The following SUSD6 variants were observed in gnomAD, a reference collection of about 807,000 sequenced individuals.
SUSD6 encodes the protein sushi domain containing 6.
Under a neutral mutation model 28.4 loss-of-function variants are expected in SUSD6, and 16 were observed. The observed-to-expected ratio is 0.56, with a 90% confidence interval of 0.38 to 0.86. SUSD6 has a LOEUF of 0.86. SUSD6 is among the 40% of genes least tolerant of loss of function. The pLI, the probability that SUSD6 is intolerant of heterozygous loss-of-function variation, is 0.00. For synonymous variants in SUSD6, 147 were observed against 159.6 expected (o/e 0.92, Z 0.59); for missense variants, 341 against 384.2 (o/e 0.89, Z 0.94).
intron 1 of SUSD6, among the ~76,000 whole-genome samples, chr14:69,652,220 G>A (rs1448177718): frequency 6.6e-6 from 1 of 152,194 alleles, no homozygotes; most frequent in Non-Finnish European, 1.5e-5. Flanking sequence ...GTCGAGACAG[G>A]CAGATCACTT....
At chr14:69,661,649 C>T (rs987073346) in intron 2 of SUSD6, among the ~76,000 whole-genome samples, 25 of 152,120 alleles carry the variant, frequency 1.6e-4, no homozygotes, top group Non-Finnish European at 3.7e-4. Context: ...CCTTTCTAGG[C>T]CTGAAACCCA....
At chr14:69,667,690 A>G (rs890608763) in intron 2 of SUSD6, among the ~76,000 whole-genome samples, 7 of 151,900 alleles carry the variant, frequency 4.6e-5, no homozygotes, top group Non-Finnish European at 8.8e-5. Flanking sequence ...GCGGTTGCTC[A>G]GTTTCTGATT....
intron 2 of SUSD6, among the ~76,000 whole-genome samples, chr14:69,673,978 C>T (rs1304813515): frequency 6.6e-6 from 1 of 152,168 alleles, no homozygotes; most frequent in Non-Finnish European, 1.5e-5. Flanking sequence ...TGGCTTGTTA[C>T]TTGTTTTTTA....
chr14:69,648,154 G>A (rs1443907640), intron 1 of SUSD6, among the ~76,000 whole-genome samples: 1 of 152,130 alleles, frequency 6.6e-6, no homozygotes, highest in Non-Finnish European at 1.5e-5. Flanking sequence ...CAGGCACTAT[G>A]CTATGTACTT....
At chr14:69,663,862 TCAGCCTCCAGAAAATTATTC>T (rs910592488) in intron 2 of SUSD6, among the ~76,000 whole-genome samples, 5 of 152,252 alleles carry the variant, frequency 3.3e-5, no homozygotes, top group Admixed American at 3.3e-4. Context: ...AGTGCTCAGA[TCAGCCTCCAGAAAATTATTC>T]TGATGGAGGA....
At chr14:69,617,799 T>C (rs1410564782) in intron 1 of SUSD6, among the ~76,000 whole-genome samples, 4 of 152,186 alleles carry the variant, frequency 2.6e-5, no homozygotes, top group Admixed American at 1.3e-4. Context: ...CTCAAAGGCT[T>C]CTGCTAGGTT....
At chr14:69,659,055 C>T (rs1595045400) in intron 2 of SUSD6, among the ~76,000 whole-genome samples, 1 of 152,194 alleles carries the variant, frequency 6.6e-6, no homozygotes. Flanking sequence ...CCCATTCTCA[C>T]TACTTGCCTG....
intron 2 of SUSD6, among the ~76,000 whole-genome samples, chr14:69,690,644 G>C (rs1886139532): frequency 6.6e-6 from 1 of 152,184 alleles, no homozygotes; most frequent in African/African-American, 2.4e-5. Flanking sequence ...CTGGAGAAGT[G>C]CAAAGGAAAC....
At chr14:69,690,655 C>T (rs1408532447) in intron 2 of SUSD6, among the ~76,000 whole-genome samples, 3 of 152,148 alleles carry the variant, frequency 2.0e-5, no homozygotes, top group African/African-American at 7.2e-5. Flanking sequence ...CAAAGGAAAC[C>T]AAGAAGGCAT....
At chr14:69,701,640 T>C (rs561180966) in intron 2 of SUSD6, among the ~76,000 whole-genome samples, 30 of 152,224 alleles carry the variant, frequency 2.0e-4, no homozygotes, top group Admixed American at 1.4e-3. Context: ...CGTTTTTCTT[T>C]CTCCTGTTCA....
chr14:69,662,083 C>T (rs976687974), intron 2 of SUSD6, among the ~76,000 whole-genome samples: 1 of 152,200 alleles, frequency 6.6e-6, no homozygotes, highest in Non-Finnish European at 1.5e-5. Context: ...TGCGCCTGGC[C>T]TCCTTCTTGC....
rs3048700 is a variant in SUSD6 at position 69,653,747 on chromosome 14, C to CTTTTTTTTTTT, written c.-80-4756_-80-4746dup. On this transcript the variant is annotated intron_variant, in intron 1 of 5. Transcript: ENST00000342745. ...TAGGGATAATGAATACCTAGTGAAACTTTTTTTTTTTTTTTTTTTTGCTTG... is the reference window on the plus strand; with the variant it reads ...TAGGGATAATGAATACCTAGTGAAACTTTTTTTTTTTTTTTTTTTTTTTTTTTTTTTGCTTG... 2.0e-3 allele frequency among the ~76,000 whole-genome samples: 182 copies of CTTTTTTTTTTT among 93,228 alleles called. 6 individuals are homozygous for CTTTTTTTTTTT. Among genetic ancestry groups the CTTTTTTTTTTT allele is most frequent in the South Asian group, 2.6e-3 (6 of 2,348 alleles). 61.2% of individuals were successfully genotyped at this position (93,228 alleles called of 152,430 possible). A position where few individuals can be genotyped will look rare whatever the true frequency, so the allele number is the denominator to read the frequency against.
At chr14:69,616,081 A>C (rs183297557) in intron 1 of SUSD6, among the ~76,000 whole-genome samples, 53 of 152,308 alleles carry the variant, frequency 3.5e-4, no homozygotes, top group African/African-American at 1.3e-3. Flanking sequence ...TTAGCCTGGG[A>C]TTCCTGATGA....
At chr14:69,677,546 C>CA (rs57290539) in intron 2 of SUSD6, among the ~76,000 whole-genome samples, 13 of 114,462 alleles carry the variant, frequency 1.1e-4, no homozygotes, top group South Asian at 5.7e-4. Context: ...GACTCCGTCT[C>CA]AAAAAAAAAA....
chr14:69,630,675 T>TG (rs918747600), intron 1 of SUSD6, among the ~76,000 whole-genome samples: 8 of 150,488 alleles, frequency 5.3e-5, no homozygotes, highest in African/African-American at 2.0e-4. Context: ...AGAACACACA[T>TG]GGAAAAAAAA....
intron 2 of SUSD6, among the ~76,000 whole-genome samples, chr14:69,695,829 C>A (rs1234898955): frequency 6.6e-6 from 1 of 152,212 alleles, no homozygotes; most frequent in African/African-American, 2.4e-5. Context: ...AGTGCCTGGC[C>A]TGTAGTCAGT....
intron 1 of SUSD6, among the ~76,000 whole-genome samples, chr14:69,621,814 T>C (rs2139591635): frequency 6.6e-6 from 1 of 152,336 alleles, no homozygotes; most frequent in Admixed American, 6.5e-5. Context: ...TCATCTCCTT[T>C]GAAGGTCTGT....
intron 2 of SUSD6, among the ~76,000 whole-genome samples, chr14:69,701,813 G>A (rs1056580677): frequency 5.3e-5 from 8 of 152,038 alleles, no homozygotes; most frequent in Admixed American, 3.3e-4. Context: ...TTTAAAAATG[G>A]CATCTTTTTT....
chr14:69,675,506 C>T (rs1241886679), intron 2 of SUSD6, among the ~76,000 whole-genome samples: 1 of 151,080 alleles, frequency 6.6e-6, no homozygotes, highest in Non-Finnish European at 1.5e-5. Flanking sequence ...CTTTCTTTCT[C>T]TATCTGTTTT....
Sources: gnomAD v4.1 joint callset for allele counts (sites outside exome capture counted in the v4.1 genomes callset) on GRCh38, gnomAD v4.1.1 for gene constraint, MANE v1.5 for transcripts, NCBI Gene and HGNC (gene_info 2026-07-23, HGNC 2026-07-21) for gene names.